HMGA2: variants seen among roughly 807,000 people sequenced by gnomAD.
HMGA2 encodes high mobility group AT-hook 2, also known as high mobility group protein HMGI-C.
In HMGA2, 8 loss-of-function variants were observed where a neutral mutation model predicts 19.1. The observed-to-expected ratio is 0.42, with a 90% confidence interval of 0.25 to 0.76. HMGA2 has a LOEUF of 0.76. Among genes scored for constraint, HMGA2 ranks in the 30% least tolerant of loss-of-function variants. The pLI, the probability that HMGA2 is intolerant of heterozygous loss-of-function variation, is 0.28. For missense variants in HMGA2, 109 were observed against 136.3 expected, an observed-to-expected ratio of 0.80 and a Z score of 1.00; for synonymous variants, 60 against 48.8, an observed-to-expected ratio of 1.23 and a Z score of -0.96.
intron 3 of HMGA2, among the ~76,000 whole-genome samples, chr12:65,861,161 T>G (rs775789679): frequency 5.9e-5 from 9 of 152,108 alleles, no homozygotes; most frequent in Non-Finnish European, 1.3e-4. Context: ...AGGTCTGGAG[T>G]TCGAGACCAT....
chr12:65,868,388 A>C (rs1008937843), intron 3 of HMGA2, among the ~76,000 whole-genome samples: 14 of 151,966 alleles, frequency 9.2e-5, no homozygotes, highest in Non-Finnish European at 2.1e-4. Flanking sequence ...TTTAAGCAGT[A>C]GGTGGTTTTA....
intron 3 of HMGA2, among the ~76,000 whole-genome samples, chr12:65,841,781 T>C (rs1871008297): frequency 1.3e-5 from 2 of 152,202 alleles, no homozygotes; most frequent in Non-Finnish European, 2.9e-5. Context: ...GTAGATATTA[T>C]AGATTCATGT....
chr12:65,915,662 C>T, intron 3 of HMGA2: 1 of 512,296 alleles, frequency 2.0e-6, no homozygotes, highest in Non-Finnish European at 2.6e-6. Context: ...AGATGGGCTG[C>T]CATGACTTCT....
chr12:65,945,940 C>G (rs1053934420), intron 3 of HMGA2, among the ~76,000 whole-genome samples: 14 of 152,296 alleles, frequency 9.2e-5, no homozygotes, highest in Middle Eastern at 3.4e-3. Context: ...ATAAACCTCA[C>G]TAGTTCAATG....
intron 3 of HMGA2, among the ~76,000 whole-genome samples, chr12:65,884,012 C>T (rs1399527376): frequency 1.3e-5 from 2 of 152,076 alleles, no homozygotes; most frequent in Non-Finnish European, 2.9e-5. Flanking sequence ...ATTACAGGCG[C>T]GCACCACCAC....
intron 3 of HMGA2, among the ~76,000 whole-genome samples, chr12:65,950,867 T>C (rs891449048): frequency 6.6e-6 from 1 of 152,216 alleles, no homozygotes; most frequent in Non-Finnish European, 1.5e-5. Context: ...AATTGGGAAT[T>C]GGAATTGTTT....
chr12:65,882,806 C>T (rs1031923184), intron 3 of HMGA2, among the ~76,000 whole-genome samples: 1 of 152,128 alleles, frequency 6.6e-6, no homozygotes, highest in Non-Finnish European at 1.5e-5. Context: ...GAAGCAGAAA[C>T]GATAGGGAGT....
At chr12:65,858,909 C>G (rs1479870547) in intron 3 of HMGA2, 2 of 152,228 alleles carry the variant, frequency 1.3e-5, no homozygotes, top group Non-Finnish European at 2.9e-5. Context: ...AAGAAACACT[C>G]TTAAAAGTCA....
intron 3 of HMGA2, chr12:65,856,353 T>C (rs562855286): frequency 6.6e-6 from 1 of 152,288 alleles, no homozygotes; most frequent in South Asian, 2.1e-4. Flanking sequence ...AATCCTCTTA[T>C]ATTCTACAGG....
chr12:65,855,458 T>TCTCACA (rs140365204), intron 3 of HMGA2, among the ~76,000 whole-genome samples: 3,977 of 140,146 alleles, frequency 0.028, 145 homozygotes, highest in African/African-American at 0.087. Context: ...TCTCTCTCTC[T>TCTCACA]CACACACACA....
intron 3 of HMGA2, among the ~76,000 whole-genome samples, chr12:65,889,665 T>C (rs1873819908): frequency 6.6e-6 from 1 of 152,116 alleles, no homozygotes; most frequent in Admixed American, 6.5e-5. Flanking sequence ...TTGAAAGTGG[T>C]TTATGTCATG....
At chr12:65,843,282 C>T (rs531817799) in intron 3 of HMGA2, 9 of 218,964 alleles carry the variant, frequency 4.1e-5, no homozygotes, top group East Asian at 1.3e-4. Flanking sequence ...GTGTGCAGTA[C>T]GTTGATTAAA....
chr12:65,884,817 C>G (rs1031559538), intron 3 of HMGA2, among the ~76,000 whole-genome samples: 4 of 152,154 alleles, frequency 2.6e-5, no homozygotes. Context: ...TTAGTTGCCT[C>G]AGCTGCAAAT....
intron 3 of HMGA2, among the ~76,000 whole-genome samples, chr12:65,887,702 A>G (rs1175582641): frequency 6.6e-6 from 1 of 152,114 alleles, no homozygotes; most frequent in Non-Finnish European, 1.5e-5. Flanking sequence ...CATCTCAAAA[A>G]GAAAAAAAAT....
intron 3 of HMGA2, among the ~76,000 whole-genome samples, chr12:65,906,093 C>G (rs917819103): frequency 9.9e-5 from 15 of 152,152 alleles, no homozygotes; most frequent in African/African-American, 3.6e-4. Flanking sequence ...CCAATCATAG[C>G]TTAGTTGCTG....
chr12:65,958,465 T>G (rs1341028571), intron 4 of HMGA2: 3 of 152,218 alleles, frequency 2.0e-5, no homozygotes, highest in Non-Finnish European at 4.4e-5. Flanking sequence ...CACTTTCCAT[T>G]AAGTTAAACA....
At chr12:65,945,083 G>A (rs573829355) in intron 3 of HMGA2, among the ~76,000 whole-genome samples, 106 of 150,870 alleles carry the variant, frequency 7.0e-4, no homozygotes, top group Middle Eastern at 3.4e-3. Context: ...CCAGTTTTTC[G>A]TTGAGGGGCC....
intron 3 of HMGA2, among the ~76,000 whole-genome samples, chr12:65,948,009 G>C (rs1011907627): frequency 2.0e-5 from 3 of 152,116 alleles, no homozygotes; most frequent in South Asian, 4.1e-4. Flanking sequence ...TCAAGGAACA[G>C]ACTGGGTTTC....
chr12:65,841,678 G>A (rs1565704103), intron 3 of HMGA2, among the ~76,000 whole-genome samples: 1 of 152,190 alleles, frequency 6.6e-6, no homozygotes, highest in Non-Finnish European at 1.5e-5. Flanking sequence ...GGATTCATTA[G>A]GTATATGGGT....
Sources: gnomAD v4.1 joint callset for allele counts (sites outside exome capture counted in the v4.1 genomes callset) on GRCh38, gnomAD v4.1.1 for gene constraint, MANE v1.5 for transcripts, NCBI Gene and HGNC (gene_info 2026-07-23, HGNC 2026-07-21) for gene names.